CTTN: variants seen among roughly 807,000 people sequenced by gnomAD.
CTTN encodes cortactin.
CTTN carries 28 observed loss-of-function variants against 84.0 expected under a neutral mutation model. The observed-to-expected ratio is 0.33, with a 90% CI of 0.25 to 0.46. The LOEUF is 0.46. Ranked by LOEUF, CTTN falls within the 20% of genes least tolerant of loss-of-function variation. The probability of loss-of-function intolerance (pLI) is 1.00; values close to 1 mark genes in which losing one functional copy is unlikely to be tolerated. For missense variants in CTTN, 641 were observed against 723.8 expected, an observed-to-expected ratio of 0.89 and a Z score of 1.31; for synonymous variants, 301 against 288.8, an observed-to-expected ratio of 1.04 and a Z score of -0.43.
At chr11:70,427,592 CCTT>C (rs1005241140) in intron 13 of CTTN, among the ~76,000 whole-genome samples, 1 of 152,244 alleles carries the variant, frequency 6.6e-6, no homozygotes, top group African/African-American at 2.4e-5. Context: ...GCGTGGGTGT[CCTT>C]CTGCGACGCC....
At chr11:70,411,243 C>T (rs1591435202) in intron 5 of CTTN, among the ~76,000 whole-genome samples, 1 of 136,570 alleles carries the variant, frequency 7.3e-6, no homozygotes, top group African/African-American at 2.7e-5. Flanking sequence ...CGTGTGCACA[C>T]GGACAGACGG....
chr11:70,400,769 C>A (rs1016503932), intron 1 of CTTN, among the ~76,000 whole-genome samples: 3 of 152,242 alleles, frequency 2.0e-5, no homozygotes, highest in Admixed American at 6.5e-5. Context: ...TTCCCATGGC[C>A]TGGGCCAGCC....
At chr11:70,421,607 T>C in intron 11 of CTTN, 27 bp downstream of exon 11, 1 of 1,533,046 alleles carries the variant, frequency 6.5e-7, no homozygotes, top group Non-Finnish European at 9.0e-7. Flanking sequence ...CCTCCTACCC[T>C]CCCCCCGACC....
chr11:70,421,556 C>G lies in CTTN; in HGVS notation c.877C>G (p.Leu293Val). 6.2e-7 allele frequency: 1 copy of G among 1,614,046 alleles called. No individual in the cohort carries two copies. The highest frequency in any genetic ancestry group is 8.5e-7 in the Non-Finnish European group (1 of 1,179,924). ...AAVGFDYKEK[L>V]AKHESQQDYS... is the part of the protein sequence containing the mutation. ...TGTGGGGTTTGATTACAAGGAGAAG[C>G]TGGCCAAGCACGAGTCCCAGCAAGG... Residue 293 changes from leucine (L) to valine (V), a missense_variant, in exon 11 of 18, where the codon CTG (leucine) becomes GTG (valine). Coordinates refer to ENST00000301843, the MANE Select transcript of CTTN (RefSeq NM_005231.4).
chr11:70,434,317 C>T (rs1032634984), intron 17 of CTTN, among the ~76,000 whole-genome samples: 17 of 152,252 alleles, frequency 1.1e-4, no homozygotes, highest in Admixed American at 6.5e-5. Context: ...CCACTTGTCC[C>T]TCTGTCTCAG....
chr11:70,415,547 A>T, intron 6 of CTTN, 116 bp from the exon 7 acceptor site: 1 of 972,920 alleles, frequency 1.0e-6, no homozygotes, highest in Non-Finnish European at 1.6e-6. Flanking sequence ...CCCAGAGGTC[A>T]CAGCATCATG....
At position 70,435,176 on chromosome 11, in the gene CTTN, C is replaced by A. The variant is rs112108792; in HGVS notation, c.*14C>A. 600 of 1,600,258 alleles carry A rather than the reference C, an allele frequency of 3.7e-4. 1 individual carries two copies. Among genetic ancestry groups the A allele is most frequent in the Admixed American group, 7.8e-4 (46 of 59,118 alleles). Reference sequence around the variant, plus strand: ...CTGCGGCAGTAGGGCCCCCAGCCCCCCCCCGGAGCTGCGCCCTGGATCCTC... The same window carrying A: ...CTGCGGCAGTAGGGCCCCCAGCCCCACCCCGGAGCTGCGCCCTGGATCCTC... On this transcript the variant is annotated 3_prime_UTR_variant, in exon 18 of 18. Coordinates refer to ENST00000301843, the MANE Select transcript of CTTN (RefSeq NM_005231.4).
intron 15 of CTTN, among the ~76,000 whole-genome samples, chr11:70,432,400 TC>T (rs1046736427): frequency 1.2e-4 from 19 of 152,226 alleles, no homozygotes; most frequent in Admixed American, 6.5e-4. Flanking sequence ...CACTGGCTCT[TC>T]CCAGATCTCC....
intron 8 of CTTN, among the ~76,000 whole-genome samples, chr11:70,418,155 A>T (rs1170267025): frequency 6.6e-6 from 1 of 152,052 alleles, no homozygotes; most frequent in Non-Finnish European, 1.5e-5. Flanking sequence ...AGCAAGAAAC[A>T]CCACTGGAAG....
At chr11:70,434,383 C>A (rs748428952) in intron 17 of CTTN, among the ~76,000 whole-genome samples, 1 of 152,370 alleles carries the variant, frequency 6.6e-6, no homozygotes, top group African/African-American at 2.4e-5. Flanking sequence ...AAGCATCTTA[C>A]GGGTGGCGTG....
At chr11:70,413,124 C>CA (rs1229741571) in intron 5 of CTTN, among the ~76,000 whole-genome samples, 2 of 152,244 alleles carry the variant, frequency 1.3e-5, no homozygotes, top group African/African-American at 4.8e-5. Context: ...GGGCGCAGCA[C>CA]AGGCCCAAGG....
intron 15 of CTTN, among the ~76,000 whole-genome samples, chr11:70,432,125 C>T (rs956785214): frequency 2.6e-5 from 4 of 152,344 alleles, no homozygotes; most frequent in African/African-American, 7.2e-5. Context: ...TGTCACCACC[C>T]GACTGTCCCT....
In CTTN at chr11:70,436,412, G is replaced by T; in HGVS notation, c.*1250G>T. ...TTGGGTCCCGGAGTGCCCGTGAAGC[G>T]TGTTTTTGCTCCTGAGGTGCATTTT... On this transcript the variant is annotated 3_prime_UTR_variant, in exon 18 of 18. Coordinates refer to ENST00000301843, the MANE Select transcript of CTTN (RefSeq NM_005231.4). The T allele has an allele frequency of 6.3e-7, 1 of 1,597,708 alleles. No individual in the cohort carries two copies. The highest frequency in any genetic ancestry group is 8.5e-7 in the Non-Finnish European group (1 of 1,179,524).
At chr11:70,428,968 T>G in intron 13 of CTTN, 83 bp from the exon 14 acceptor site, 2 of 1,527,116 alleles carry the variant, frequency 1.3e-6, no homozygotes, top group Non-Finnish European at 1.8e-6. Context: ...CCTGGGGAGG[T>G]CACTCTGTGT....
rs1447759515 is a variant in CTTN at position 70,435,512 on chromosome 11, A to G, written c.*350A>G. On this transcript the variant is annotated 3_prime_UTR_variant, in exon 18 of 18. Coordinates refer to ENST00000301843, the MANE Select transcript of CTTN (RefSeq NM_005231.4). Reference sequence around the variant, plus strand: ...TTGTGTTCGTGTTGCCCTCGTGCCCATCAAGTGCAGTCGGGACCTCCCAGG... The same window carrying G: ...TTGTGTTCGTGTTGCCCTCGTGCCCGTCAAGTGCAGTCGGGACCTCCCAGG... 5.8e-6 allele frequency: 9 copies of G among 1,560,516 alleles called. No homozygotes were observed. The highest frequency in any genetic ancestry group is 1.9e-5 in the Admixed American group (1 of 53,860).
Position 70,422,483 on chromosome 11 carries a change from A to G in CTTN, c.902-457A>G, listed in dbSNP as rs540109025. ...AGTCTTTGGCTGGTAGAATTTCCACATGGATTTTTTTTTTCTCTTAAAAAG... is the reference window on the plus strand; with the variant it reads ...AGTCTTTGGCTGGTAGAATTTCCACGTGGATTTTTTTTTTCTCTTAAAAAG... On this transcript the variant is annotated intron_variant, in intron 11 of 17. Coordinates refer to ENST00000301843, the MANE Select transcript of CTTN (RefSeq NM_005231.4). 36 of 1,285,322 alleles carry G rather than the reference A, an allele frequency of 2.8e-5. No individual in the cohort carries two copies. In the Admixed American group the frequency reaches 5.3e-4, roughly 19 times the overall value. The allele number at this position is 1,285,322 out of a possible 1,614,324, so 79.6% of individuals were successfully genotyped here. A position where few individuals can be genotyped will look rare whatever the true frequency, so the allele number is the denominator to read the frequency against.
intron 1 of CTTN, among the ~76,000 whole-genome samples, chr11:70,401,905 C>T (rs1399970094): frequency 6.6e-6 from 1 of 152,090 alleles, no homozygotes; most frequent in Non-Finnish European, 1.5e-5. Flanking sequence ...AATCCCAGCA[C>T]TTTGAGAGGC....
At chr11:70,424,106 A>AGGGCCG (rs1221304435) in intron 12 of CTTN, among the ~76,000 whole-genome samples, 4 of 151,870 alleles carry the variant, frequency 2.6e-5, no homozygotes, top group Non-Finnish European at 5.9e-5. Flanking sequence ...GAGCTGGGGT[A>AGGGCCG]GGGCCGGGGC....
rs776466770 is a variant in CTTN at position 70,417,057 on chromosome 11, C to T, written c.502C>T (p.Arg168Ter). 2 of 1,614,076 alleles carry T rather than the reference C, an allele frequency of 1.2e-6. No homozygotes were observed. The highest frequency in any genetic ancestry group is 1.7e-6 in the Non-Finnish European group (2 of 1,180,052). Residue 168 changes from arginine (R) to a stop codon, truncating the protein, a stop_gained, in exon 8 of 18, where the codon CGA becomes TGA. Transcript: ENST00000301843. LOFTEE classifies it high-confidence loss of function. ...FGGKYGVQAD[R>*]VDKSAVGFDY... ...CGGCAAGTATGGCGTGCAGGCCGAC[C>T]GAGTAGACAAGAGCGCGGTGGGCTT...
Sources: allele counts gnomAD v4.1 joint callset (sites outside exome capture counted in the v4.1 genomes callset), GRCh38; gene constraint gnomAD v4.1.1; transcripts MANE v1.5; gene names NCBI Gene and HGNC (gene_info 2026-07-23, HGNC 2026-07-21).